The following ZNF438 variants were observed in gnomAD, a reference collection of about 807,000 sequenced individuals.
The protein encoded by ZNF438 is zinc finger protein 438.
ZNF438 carries 25 observed loss-of-function variants against 38.0 expected under a neutral mutation model. The ratio of observed to expected loss-of-function variants is 0.66; its 90% confidence interval spans 0.48 to 0.92. The LOEUF (loss-of-function observed/expected upper bound fraction) is 0.92. ZNF438 is among the 40% of genes least tolerant of loss of function. The pLI, the probability that ZNF438 is intolerant of heterozygous loss-of-function variation, is 0.00. For missense variants in ZNF438, 1,007 were observed against 999.6 expected (o/e 1.01, Z -0.10); for synonymous variants, 372 against 364.1 (o/e 1.02, Z -0.25).
At chr10:30,845,989 CTTCTA>C (rs2031968759) in intron 5 of ZNF438, among the ~76,000 whole-genome samples, 1 of 152,204 alleles carries the variant, frequency 6.6e-6, no homozygotes, top group African/African-American at 2.4e-5. Flanking sequence ...GCACCAATAC[CTTCTA>C]TTCAATTTTG....
chr10:30,909,082 CATT>C (rs1241759306), intron 2 of ZNF438, 67 bp from the exon 4 acceptor site: 10 of 152,104 alleles, frequency 6.6e-5, no homozygotes, highest in African/African-American at 2.2e-4. Context: ...ATTAGCATAT[CATT>C]AAGGCCACAT....
intron 1 of ZNF438, among the ~76,000 whole-genome samples, chr10:31,017,364 A>T (rs985357252): frequency 2.0e-5 from 3 of 152,194 alleles, no homozygotes; most frequent in Non-Finnish European, 4.4e-5. Context: ...ATGCTCCAAT[A>T]GGGCAGCAAA....
chr10:30,902,144 G>A (rs529532006), intron 3 of ZNF438, among the ~76,000 whole-genome samples: 1 of 152,092 alleles, frequency 6.6e-6, no homozygotes, highest in African/African-American at 2.4e-5. Context: ...GGGTTGCCAT[G>A]GCTGGGACTG....
chr10:30,920,838 A>G (rs1365504520), intron 2 of ZNF438: 2 of 152,216 alleles, frequency 1.3e-5, no homozygotes, highest in African/African-American at 4.8e-5. Flanking sequence ...TTACCACTGA[A>G]GAAAAACATA....
chr10:30,976,243 CA>C (rs1422433163), intron 1 of ZNF438, among the ~76,000 whole-genome samples: 2 of 152,034 alleles, frequency 1.3e-5, no homozygotes, highest in Non-Finnish European at 2.9e-5. Flanking sequence ...AATTTGGAAA[CA>C]AATTTAAATG....
intron 1 of ZNF438, among the ~76,000 whole-genome samples, chr10:30,994,762 G>A (rs534139856): frequency 8.5e-5 from 13 of 152,306 alleles, no homozygotes; most frequent in East Asian, 5.8e-4. Context: ...TAGGCATGGC[G>A]GCTCACATCT....
chr10:31,003,518 G>A (rs2054854395), intron 1 of ZNF438, among the ~76,000 whole-genome samples: 1 of 152,096 alleles, frequency 6.6e-6, no homozygotes. Context: ...ACCAAAACCT[G>A]TTCCCTGCAA....
At chr10:30,893,568 T>C (rs554662105) in intron 3 of ZNF438, among the ~76,000 whole-genome samples, 75 of 152,306 alleles carry the variant, frequency 4.9e-4, no homozygotes, top group African/African-American at 1.7e-3. Context: ...TTAAAATGTT[T>C]TTCTTTTTAA....
At position 31,023,611 on chromosome 10, in the gene ZNF438, G is replaced by A. The variant is rs78754568; in HGVS notation, c.-192+8222C>T. Among the ~76,000 whole-genome samples the A allele has an allele frequency of 3.2e-3, 491 of 152,220 alleles. 2 individuals are homozygous for A. Among genetic ancestry groups the A allele is most frequent in the Non-Finnish European group, 5.5e-3 (371 of 68,000 alleles). Reference sequence around the variant, plus strand: ...TCAACATGTTTGACATAAAAAGTACGTATTCTTCAACTTCAAGAAAGGAAA... The same window carrying A: ...TCAACATGTTTGACATAAAAAGTACATATTCTTCAACTTCAAGAAAGGAAA... On this transcript the variant is annotated intron_variant, in intron 1 of 5. Transcript: ENST00000413025.
chr10:31,008,103 C>T, intron 1 of ZNF438, among the ~76,000 whole-genome samples: 1 of 152,126 alleles, frequency 6.6e-6, no homozygotes, highest in East Asian at 1.9e-4. Context: ...TGCTGAGTTA[C>T]AGCCTTATAA....
chr10:30,998,604 A>G (rs986982479), intron 1 of ZNF438, among the ~76,000 whole-genome samples: 1 of 148,518 alleles, frequency 6.7e-6, no homozygotes. Context: ...ATTACTAATG[A>G]TAACAATAGC....
intron 1 of ZNF438, among the ~76,000 whole-genome samples, chr10:31,019,827 A>T (rs2056464339): frequency 6.6e-6 from 1 of 152,234 alleles, no homozygotes; most frequent in Non-Finnish European, 1.5e-5. Flanking sequence ...TTAACAAGGT[A>T]TCTGTATTTT....
At chr10:30,967,560 G>C (rs117743314) in intron 1 of ZNF438, among the ~76,000 whole-genome samples, 1 of 152,114 alleles carries the variant, frequency 6.6e-6, no homozygotes, top group Non-Finnish European at 1.5e-5. Flanking sequence ...ACTAAACTAC[G>C]AATGAATAGA....
intron 2 of ZNF438, among the ~76,000 whole-genome samples, chr10:30,934,171 A>AG (rs2045985853): frequency 6.6e-6 from 1 of 151,304 alleles, no homozygotes; most frequent in Non-Finnish European, 1.5e-5. Context: ...AAAAAAAAAA[A>AG]AGAAATCAGC....
intron 1 of ZNF438, among the ~76,000 whole-genome samples, chr10:30,972,835 G>C (rs2050895160): frequency 6.6e-6 from 1 of 152,144 alleles, no homozygotes; most frequent in East Asian, 1.9e-4. Context: ...TAGATTTAAA[G>C]TTCAAGAAAG....
chr10:30,852,814 G>A (rs761020112), intron 4 of ZNF438, among the ~76,000 whole-genome samples: 9 of 152,204 alleles, frequency 5.9e-5, no homozygotes, highest in Non-Finnish European at 1.0e-4. Context: ...TTTGGTTACC[G>A]TGAATTCCGC....
At chr10:30,939,645 AAAAGTCTCT>A (rs148159135) in intron 2 of ZNF438, among the ~76,000 whole-genome samples, 19,072 of 152,256 alleles carry the variant, frequency 0.13, 1,591 homozygotes, top group Middle Eastern at 0.24. Context: ...ACCTACAGGT[AAAAGTCTCT>A]CCTGTAACTA....
chr10:30,870,063 A>G (rs2037143792), intron 4 of ZNF438, among the ~76,000 whole-genome samples: 1 of 152,220 alleles, frequency 6.6e-6, no homozygotes, highest in Non-Finnish European at 1.5e-5. Context: ...TGAAATTTAT[A>G]ATGCACAAAG....
intron 1 of ZNF438, among the ~76,000 whole-genome samples, chr10:30,947,308 G>A (rs1044065814): frequency 2.0e-5 from 3 of 152,230 alleles, no homozygotes; most frequent in Admixed American, 1.3e-4. Context: ...ACAATAAAAT[G>A]GCTGTGTCTT....
Sources: allele counts gnomAD v4.1 joint callset (sites outside exome capture counted in the v4.1 genomes callset), GRCh38; gene constraint gnomAD v4.1.1; transcripts MANE v1.5; gene names NCBI Gene and HGNC (gene_info 2026-07-23, HGNC 2026-07-21).